The following NAALADL2 variants were observed in gnomAD, a reference collection of about 807,000 sequenced individuals.
NAALADL2 encodes inactive N-acetylated-alpha-linked acidic dipeptidase-like protein 2.
Under a neutral mutation model 87.2 loss-of-function variants are expected in NAALADL2, and 76 were observed. The ratio of observed to expected loss-of-function variants is 0.87; its 90% CI spans 0.72 to 1.05. The LOEUF (loss-of-function observed/expected upper bound fraction) is 1.05, where lower values mean the gene tolerates loss of function less well. Ranked by LOEUF, NAALADL2 falls within the 50% of genes least tolerant of loss-of-function variation. The pLI, the probability that NAALADL2 is intolerant of heterozygous loss-of-function variation, is 0.00. For synonymous variants in NAALADL2, 354 were observed against 331.0 expected, an observed-to-expected ratio of 1.07 and a Z score of -0.75; for missense variants, 1,089 against 945.8, an observed-to-expected ratio of 1.15 and a Z score of -1.99.
intron 5 of NAALADL2, among the ~76,000 whole-genome samples, chr3:175,390,625 T>C (rs77790377): frequency 0.12 from 19,003 of 152,090 alleles, 1,302 homozygotes; most frequent in South Asian, 0.16. Context: ...TTTTTTGTTG[T>C]TGTGGTTATG....
In NAALADL2 at chr3:175,674,329, G is replaced by A. The variant is rs982213937; in HGVS notation, c.1896+46943G>A. 5.3e-5 allele frequency among the ~76,000 whole-genome samples: 8 copies of A among 150,612 alleles called. 1 individual carries two copies. The Middle Eastern group carries it at 0.017, about 325-fold the overall frequency. On this transcript the variant is annotated intron_variant, in intron 11 of 13. Transcript: ENST00000454872. ...GGCTGGAGTGCAGTGGCGCGATCTC[G>A]GCTCACTGCAAGCTCCGCCTCCCGG...
intron 2 of NAALADL2, among the ~76,000 whole-genome samples, chr3:174,701,891 C>T (rs1304132003): frequency 6.6e-6 from 1 of 152,154 alleles, no homozygotes; most frequent in African/African-American, 2.4e-5. Flanking sequence ...AAAAAAGATG[C>T]TTTTAACATT....
chr3:174,889,109 G>A (rs1730561394), intron 1 of NAALADL2, among the ~76,000 whole-genome samples: 1 of 152,082 alleles, frequency 6.6e-6, no homozygotes, highest in Non-Finnish European at 1.5e-5. Context: ...GATAACTTCT[G>A]TTTAATTTCA....
At chr3:175,731,886 C>T (rs1456942684) in intron 11 of NAALADL2, among the ~76,000 whole-genome samples, 1 of 152,158 alleles carries the variant, frequency 6.6e-6, no homozygotes, top group East Asian at 1.9e-4. Flanking sequence ...CAGATTCTAA[C>T]TGTAAACAAA....
At chr3:175,691,113 C>T (rs79261815) in intron 11 of NAALADL2, among the ~76,000 whole-genome samples, 3,742 of 150,976 alleles carry the variant, frequency 0.025, 174 homozygotes, top group African/African-American at 0.085. Flanking sequence ...TAAGAATTTC[C>T]GTAATAATTT....
intron 5 of NAALADL2, among the ~76,000 whole-genome samples, chr3:175,410,279 A>G (rs561240273): frequency 2.3e-4 from 35 of 151,948 alleles, no homozygotes; most frequent in Non-Finnish European, 4.4e-4. Context: ...TCTTCTTTTG[A>G]AACTATGTAC....
intron 10 of NAALADL2, among the ~76,000 whole-genome samples, chr3:175,626,581 C>G (rs1196308516): frequency 6.6e-6 from 1 of 151,802 alleles, no homozygotes; most frequent in Non-Finnish European, 1.5e-5. Context: ...CGAAATGCCC[C>G]CTCTAAGGCA....
At chr3:175,094,146 A>T (rs981181449) in intron 1 of NAALADL2, among the ~76,000 whole-genome samples, 1 of 151,944 alleles carries the variant, frequency 6.6e-6, no homozygotes, top group African/African-American at 2.4e-5. Context: ...CTTTAGAGAG[A>T]GAGACTCTGA....
intron 4 of NAALADL2, among the ~76,000 whole-genome samples, chr3:175,315,321 G>A (rs145124723): frequency 2.0e-5 from 3 of 152,120 alleles, no homozygotes; most frequent in African/African-American, 4.8e-5. Flanking sequence ...AAATAATAGA[G>A]GGTGGGAGGC....
intron 4 of NAALADL2, among the ~76,000 whole-genome samples, chr3:175,322,947 A>G (rs1760113285): frequency 6.6e-6 from 1 of 151,836 alleles, no homozygotes; most frequent in South Asian, 2.1e-4. Context: ...TCGGGGATCT[A>G]GAACTAGAAA....
At chr3:174,715,505 T>C (rs1009113478) in intron 2 of NAALADL2, among the ~76,000 whole-genome samples, 1 of 152,164 alleles carries the variant, frequency 6.6e-6, no homozygotes, top group Non-Finnish European at 1.5e-5. Context: ...GAGAAGCCTG[T>C]TTAAATATGG....
chr3:175,357,628 A>G (rs1357717589), intron 5 of NAALADL2, among the ~76,000 whole-genome samples: 1 of 152,176 alleles, frequency 6.6e-6, no homozygotes, highest in Non-Finnish European at 1.5e-5. Context: ...AATACAATAT[A>G]TGCAACAAAC....
chr3:175,567,321 A>C (rs1025367287), intron 9 of NAALADL2, among the ~76,000 whole-genome samples: 2 of 152,228 alleles, frequency 1.3e-5, no homozygotes, highest in Non-Finnish European at 2.9e-5. Context: ...GGAGTAGAGA[A>C]GAAAACACCA....
At chr3:175,316,234 A>G (rs1581388582) in intron 4 of NAALADL2, among the ~76,000 whole-genome samples, 1 of 152,308 alleles carries the variant, frequency 6.6e-6, no homozygotes, top group South Asian at 2.1e-4. Context: ...AGCCTTGTCA[A>G]AGAAAGGGAG....
chr3:175,067,711 T>G (rs2109122456), intron 1 of NAALADL2, among the ~76,000 whole-genome samples: 1 of 152,214 alleles, frequency 6.6e-6, no homozygotes, highest in Middle Eastern at 3.4e-3. Context: ...AAAGCAGAAC[T>G]ACCGTTTGAC....
chr3:175,792,039 A>G lies in NAALADL2; in HGVS notation c.2190-10966A>G, dbSNP rs9859147. Among the ~76,000 whole-genome samples the G allele has an allele frequency of 6.2e-3, 938 of 152,248 alleles. 11 individuals are homozygous for G. Among genetic ancestry groups the G allele is most frequent in the Admixed American group, 0.029 (442 of 15,298 alleles). The stretch of plus-strand genomic sequence containing the variant: ...TTGCATTTAAAAAAAAATAAATGGT[A>G]CTTTGAAATGAGATGATTTTACTTT... On this transcript the variant is annotated intron_variant, in intron 13 of 13. Coordinates refer to ENST00000454872, the MANE Select transcript of NAALADL2 (RefSeq NM_207015.3).
intron 1 of NAALADL2, among the ~76,000 whole-genome samples, chr3:175,012,543 T>C (rs1749979791): frequency 6.6e-6 from 1 of 152,212 alleles, no homozygotes; most frequent in East Asian, 1.9e-4. Context: ...AGTAAAATAA[T>C]TTTTTTATTT....
intron 1 of NAALADL2, among the ~76,000 whole-genome samples, chr3:174,526,055 T>A (rs1405092038): frequency 1.3e-5 from 2 of 152,236 alleles, no homozygotes; most frequent in African/African-American, 4.8e-5. Flanking sequence ...GTGTTTGCCA[T>A]GTCTATAAGG....
chr3:175,218,038 C>T (rs34537026), intron 2 of NAALADL2: 77,244 of 412,514 alleles, frequency 0.19, 8,218 homozygotes, highest in Admixed American at 0.31. Flanking sequence ...GAAAGTATTG[C>T]AGTGAATTTC....
Sources: gnomAD v4.1 joint callset for allele counts (sites outside exome capture counted in the v4.1 genomes callset) on GRCh38, gnomAD v4.1.1 for gene constraint, MANE v1.5 for transcripts, NCBI Gene and HGNC (gene_info 2026-07-23, HGNC 2026-07-21) for gene names.